GTPBP2: variants seen among roughly 807,000 people sequenced by gnomAD.
GTPBP2 encodes the protein GTP-binding protein 2.
A neutral mutation model predicts 63.0 loss-of-function variants in GTPBP2; 32 were observed. That is an observed-to-expected ratio of 0.51 (90% CI 0.38 to 0.68). The LOEUF is 0.68. GTPBP2 is among the 30% of genes least tolerant of loss of function. GTPBP2 has a pLI of 0.00. For synonymous variants in GTPBP2, 310 were observed against 322.6 expected, an observed-to-expected ratio of 0.96 and a Z score of 0.42; for missense variants, 492 against 796.9, an observed-to-expected ratio of 0.62 and a Z score of 4.61.
Position 43,624,491 on chromosome 6 carries a change from T to C in GTPBP2, c.1100+19A>G. ...CAGCCTTCCTAGTGGATCAGGGCTT[T>C]AGAGTAAGGTGGGCTTACTTGGGTG... On this transcript the variant is annotated intron_variant, in intron 7 of 11. Transcript: ENST00000307126. This position sits in a 1 kb window ranked among gnomAD's most constrained non-coding sequence, Gnocchi z 5.1. 1 of 1,573,338 alleles carries C rather than the reference T, an allele frequency of 6.4e-7. No homozygotes were observed. Among genetic ancestry groups the C allele is most frequent in the Non-Finnish European group, 8.7e-7 (1 of 1,146,414 alleles).
At chr6:43,627,182 G>A in intron 1 of GTPBP2, 1 of 782,066 alleles carries the variant, frequency 1.3e-6, no homozygotes, top group Non-Finnish European at 1.8e-6. Flanking sequence ...TTTAAGCCAG[G>A]AACAGAACAC....
intron 1 of GTPBP2, chr6:43,627,259 C>G: frequency 8.8e-7 from 1 of 1,139,108 alleles, no homozygotes; most frequent in Non-Finnish European, 1.1e-6. Context: ...CCCTTCCTCC[C>G]CACCTCCAGG....
chr6:43,621,428 G>A lies in GTPBP2; in HGVS notation c.*186C>T. 4 of 1,543,416 alleles carry A rather than the reference G, an allele frequency of 2.6e-6. No homozygotes were observed. The highest frequency in any genetic ancestry group is 1.2e-5 in the South Asian group (1 of 83,188). On this transcript the variant is annotated 3_prime_UTR_variant, in exon 12 of 12. Transcript: ENST00000307126. ...CCCTGAATCCTGTCTTCTCCCTCAG[G>A]ACTGCCCTTTCCTGGCCACACCAAG... is the stretch of plus-strand genomic sequence containing the variant.
chr6:43,622,862 T>G lies in GTPBP2; in HGVS notation c.1296-58A>C. 55 of 1,327,016 alleles carry G rather than the reference T, an allele frequency of 4.1e-5. No individual in the cohort carries two copies. Among genetic ancestry groups the G allele is most frequent in the Non-Finnish European group, 5.1e-5 (48 of 946,286 alleles). 82.2% of individuals were successfully genotyped at this position (1,327,016 alleles called of 1,614,324 possible). A position where few individuals can be genotyped will look rare whatever the true frequency, so the allele number is the denominator to read the frequency against. ...GCCAAGGTCCCCATACCTACTTCTC[T>G]ATTAGGATCACCCAGAGCATTCCTT... On this transcript the variant is annotated intron_variant, in intron 9 of 11. Transcript: ENST00000307126. The surrounding 1 kb of genome is among the most constrained non-coding windows in gnomAD (Gnocchi z 5.4).
chr6:43,624,386 A>T lies in GTPBP2; in HGVS notation c.1100+124T>A. On this transcript the variant is annotated intron_variant, in intron 7 of 11. Coordinates refer to ENST00000307126, the MANE Select transcript of GTPBP2 (RefSeq NM_019096.5). This position sits in a 1 kb window ranked among gnomAD's most constrained non-coding sequence, Gnocchi z 5.1. ...GATGCCCCTCCACAATCCCAAGCTG[A>T]AACACCCGCAGAACTAAGCCAGAAC... 1 of 747,898 alleles carries T rather than the reference A, an allele frequency of 1.3e-6. No homozygotes were observed. Among genetic ancestry groups the T allele is most frequent in the Non-Finnish European group, 2.2e-6 (1 of 446,184 alleles). The allele number at this position is 747,898 out of a possible 1,614,324, so 46.3% of individuals were successfully genotyped here. A position where few individuals can be genotyped will look rare whatever the true frequency, so the allele number is the denominator to read the frequency against.
At position 43,625,867 on chromosome 6, in the gene GTPBP2, G is replaced by C; in HGVS notation, c.399-3C>G. The C allele has an allele frequency of 6.2e-7, 1 of 1,608,654 alleles. No individual in the cohort carries two copies. The highest frequency in any genetic ancestry group is 8.5e-7 in the Non-Finnish European group (1 of 1,175,106). ...GAACGGTTATGTCTGCCCCAACCCTGTCACAGCAAGGCCACAGCTGCCATA... is the reference window on the plus strand; with the variant it reads ...GAACGGTTATGTCTGCCCCAACCCTCTCACAGCAAGGCCACAGCTGCCATA... On this transcript the variant is annotated splice_polypyrimidine_tract_variant and splice_region_variant and intron_variant, in intron 3 of 11. Coordinates refer to ENST00000307126, the MANE Select transcript of GTPBP2 (RefSeq NM_019096.5). This position sits in a 1 kb window ranked among gnomAD's most constrained non-coding sequence, Gnocchi z 5.1.
At position 43,624,899 on chromosome 6, in the gene GTPBP2, T is replaced by G; in HGVS notation, c.869A>C (p.Asn290Thr). 1.2e-6 allele frequency: 2 copies of G among 1,614,112 alleles called. No individual in the cohort carries two copies. The highest frequency in any genetic ancestry group is 1.7e-6 in the Non-Finnish European group (2 of 1,179,986). The change falls in exon 6 of 12, where the codon AAC becomes ACC. Residue 290 changes from asparagine to threonine, a missense_variant. By Grantham distance (65) the Asn-to-Thr change is moderately conservative. Coordinates refer to ENST00000307126, the MANE Select transcript of GTPBP2 (RefSeq NM_019096.5). This position sits in a 1 kb window ranked among gnomAD's most constrained non-coding sequence, Gnocchi z 5.1. Reference sequence around the variant, plus strand: ...CTAATGCCTCGTACCAATCCCAGTGTTGGCACTGACGAGGAGCAGGGCGCA... The same window carrying G: ...CTAATGCCTCGTACCAATCCCAGTGGTGGCACTGACGAGGAGCAGGGCGCA... ...PDCALLLVSA[N>T]TGIAGTTREH...
chr6:43,630,388 C>T (rs904405145), upstream of GTPBP2, among the ~76,000 whole-genome samples: 4 of 152,204 alleles, frequency 2.6e-5, no homozygotes, highest in Non-Finnish European at 5.9e-5. Flanking sequence ...AGACCACTCA[C>T]AGTGTGTCCA....
upstream of GTPBP2, chr6:43,629,890 C>T (rs1582358909): frequency 3.1e-5 from 39 of 1,248,816 alleles, no homozygotes; most frequent in Non-Finnish European, 4.2e-5. Flanking sequence ...AGGCTGGCAC[C>T]GTCCAGGGGC....
In GTPBP2 at chr6:43,621,632, C is replaced by G; in HGVS notation, c.1791G>C (p.Gln597His). 6.2e-7 allele frequency: 1 copy of G among 1,614,076 alleles called. No homozygotes were observed. Among genetic ancestry groups the G allele is most frequent in the Non-Finnish European group, 8.5e-7 (1 of 1,179,908 alleles). Residue 597 changes from glutamine to histidine, a missense_variant, in exon 12 of 12, where the codon CAG (glutamine) becomes CAC (histidine). Physicochemically the swap from Gln to His is conservative, Grantham distance 24 (BLOSUM62 0). This residue lies in a region of GTPBP2 where 400 missense variants were observed against 710.8 expected (regional missense o/e 0.56). Transcript: ENST00000307126. ...DVQAITAGEA[Q>H]ANMGF is the part of the protein sequence containing the mutation. Reference sequence around the variant, plus strand: ...GAAGGGTTCAGAAGCCCATGTTGGCCTGGGCTTCTCCTGCTGTAATGGCTT... The same window carrying G: ...GAAGGGTTCAGAAGCCCATGTTGGCGTGGGCTTCTCCTGCTGTAATGGCTT...
Position 43,623,762 on chromosome 6 carries a change from TC to T in GTPBP2, c.1269del (p.Thr424LeufsTer31). 1 of 1,613,520 alleles carries T rather than the reference TC, an allele frequency of 6.2e-7. No homozygotes were observed. Among genetic ancestry groups the T allele is most frequent in the Non-Finnish European group, 8.5e-7 (1 of 1,179,506 alleles). On this transcript the variant is annotated frameshift_variant, in exon 9 of 12. Coordinates refer to ENST00000307126, the MANE Select transcript of GTPBP2 (RefSeq NM_019096.5). LOFTEE classifies it high-confidence loss of function. ...CTGGAAAGTGTTCCTCCAACAACAGTCCCCACCTCTGGTACTGTGTAGATTT... is the reference window on the plus strand; with the variant it reads ...CTGGAAAGTGTTCCTCCAACAACAGTCCCACCTCTGGTACTGTGTAGATTT... ...VDEIYTVPEV[G>X]TVVGGTLSSG...
Position 43,624,177 on chromosome 6 carries a change from C to A in GTPBP2, c.1101-109G>T. ...CTTTGTTCTGGCTGGGGGCCCCTCT[C>A]TCCTGTCTGCAAATGGCTCAGGAAC... On this transcript the variant is annotated intron_variant, in intron 7 of 11. Transcript: ENST00000307126. The surrounding 1 kb of genome is among the most constrained non-coding windows in gnomAD (Gnocchi z 5.1). The A allele has an allele frequency of 2.1e-6, 2 of 934,848 alleles. No individual in the cohort carries two copies. Among genetic ancestry groups the A allele is most frequent in the Non-Finnish European group, 3.2e-6 (2 of 629,618 alleles). 57.9% of individuals were successfully genotyped at this position (934,848 alleles called of 1,614,324 possible).
In GTPBP2 at chr6:43,626,907, C is replaced by G. The variant is rs1422108356; in HGVS notation, c.213+15G>C. On this transcript the variant is annotated intron_variant, in intron 2 of 11. Coordinates refer to ENST00000307126, the MANE Select transcript of GTPBP2 (RefSeq NM_019096.5). The surrounding 1 kb of genome is among the most constrained non-coding windows in gnomAD (Gnocchi z 4.0). ...ACCTACCCCAGCCCCTGCTTTTCCC[C>G]AGCCTAGGACTCACTTTATATTCAA... 1.9e-6 allele frequency: 3 copies of G among 1,602,892 alleles called. No homozygotes were observed. The highest frequency in any genetic ancestry group is 2.6e-6 in the Non-Finnish European group (3 of 1,172,924).
Position 43,626,494 on chromosome 6 carries a change from A to C in GTPBP2, c.214-84T>G. On this transcript the variant is annotated intron_variant, in intron 2 of 11. Coordinates refer to ENST00000307126, the MANE Select transcript of GTPBP2 (RefSeq NM_019096.5). The surrounding 1 kb of genome is among the most constrained non-coding windows in gnomAD (Gnocchi z 4.0). ...GGTCCCCACCTGTTCTGCTGCAAGGACCAGGACTTTCTCTTTCCACTTAAA... is the reference window on the plus strand; with the variant it reads ...GGTCCCCACCTGTTCTGCTGCAAGGCCCAGGACTTTCTCTTTCCACTTAAA... The C allele has an allele frequency of 9.2e-7, 1 of 1,085,794 alleles. No individual in the cohort carries two copies. The highest frequency in any genetic ancestry group is 1.4e-6 in the Non-Finnish European group (1 of 730,630). 67.3% of individuals were successfully genotyped at this position (1,085,794 alleles called of 1,614,324 possible).
chr6:43,629,982 A>G (rs1231090723), upstream of GTPBP2, among the ~76,000 whole-genome samples: 1 of 152,218 alleles, frequency 6.6e-6, no homozygotes, highest in Non-Finnish European at 1.5e-5. Context: ...GAAGGCTGCA[A>G]GCATACCCAA....
In GTPBP2 at chr6:43,625,877, G is replaced by C. The variant is rs373885962; in HGVS notation, c.399-13C>G. The C allele has an allele frequency of 3.8e-4, 602 of 1,591,458 alleles. 1 individual carries two copies. The highest frequency in any genetic ancestry group is 3.8e-4 in the Non-Finnish European group (440 of 1,159,824). The stretch of plus-strand genomic sequence containing the variant: ...GTCTGCCCCAACCCTGTCACAGCAA[G>C]GCCACAGCTGCCATATCTCACCTGT... On this transcript the variant is annotated splice_polypyrimidine_tract_variant and intron_variant, in intron 3 of 11. Coordinates refer to ENST00000307126, the MANE Select transcript of GTPBP2 (RefSeq NM_019096.5). This position sits in a 1 kb window ranked among gnomAD's most constrained non-coding sequence, Gnocchi z 5.1.
rs772412901 is a variant in GTPBP2 at position 43,624,132 on chromosome 6, C to A, written c.1101-64G>T. On this transcript the variant is annotated intron_variant, in intron 7 of 11. Coordinates refer to ENST00000307126, the MANE Select transcript of GTPBP2 (RefSeq NM_019096.5). This position sits in a 1 kb window ranked among gnomAD's most constrained non-coding sequence, Gnocchi z 5.1. ...CCAAACAGGAGGCAGAGGCCAGAGC[C>A]CCATACATGGAAAGGTGAGCTTTGT... The A allele has an allele frequency of 2.8e-5, 40 of 1,442,954 alleles. No homozygotes were observed. Among genetic ancestry groups the A allele is most frequent in the Non-Finnish European group, 3.8e-5 (40 of 1,061,046 alleles). The allele number at this position is 1,442,954 out of a possible 1,614,324, so 89.4% of individuals were successfully genotyped here. A position where few individuals can be genotyped will look rare whatever the true frequency, so the allele number is the denominator to read the frequency against.
chr6:43,624,960 T>C lies in GTPBP2; in HGVS notation c.808A>G (p.Thr270Ala). 6.2e-7 allele frequency: 1 copy of C among 1,614,074 alleles called. No individual in the cohort carries two copies. Among genetic ancestry groups the C allele is most frequent in the Non-Finnish European group, 8.5e-7 (1 of 1,179,968 alleles). The change falls in exon 6 of 12, where the codon ACC becomes GCC. Residue 270 changes from threonine (T) to alanine (A), a missense_variant. Transcript: ENST00000307126. The surrounding 1 kb of genome is among the most constrained non-coding windows in gnomAD (Gnocchi z 5.1). ...TATGATGTGAGGCCAAAGATGGTGG[T>C]GTGTAGGTACTTATGGTGGCCTGCC... Reference protein sequence around the residue: ...DLAGHHKYLHTTIFGLTSYCP... With the variant: ...DLAGHHKYLHATIFGLTSYCP...
chr6:43,625,959 G>T lies in GTPBP2; in HGVS notation c.399-95C>A. 2.1e-6 allele frequency: 2 copies of T among 941,942 alleles called. No individual in the cohort carries two copies. Among genetic ancestry groups the T allele is most frequent in the African/African-American group, 1.6e-5 (1 of 62,282 alleles). 58.3% of individuals were successfully genotyped at this position (941,942 alleles called of 1,614,324 possible). A position where few individuals can be genotyped will look rare whatever the true frequency, so the allele number is the denominator to read the frequency against. ...ACAGACTTCCTGCACCTCCCACAGA[G>T]CTCCCAATACCTTAGTGCACTTCCT... is the stretch of plus-strand genomic sequence containing the variant. On this transcript the variant is annotated intron_variant, in intron 3 of 11. Transcript: ENST00000307126. This position sits in a 1 kb window ranked among gnomAD's most constrained non-coding sequence, Gnocchi z 5.1.
Sources: allele counts gnomAD v4.1 joint callset (sites outside exome capture counted in the v4.1 genomes callset), GRCh38; gene constraint gnomAD v4.1.1; regional missense constraint gnomAD v4.1.1; non-coding constraint Gnocchi (gnomAD v3.1); transcripts MANE v1.5; gene names NCBI Gene and HGNC (gene_info 2026-07-23, HGNC 2026-07-21).